Variants in CABP1 observed in about 807,000 individuals in gnomAD.
The protein encoded by CABP1 is calcium-binding protein 1.
A neutral mutation model predicts 34.3 loss-of-function variants in CABP1; 17 were observed. The observed-to-expected ratio is 0.50, with a 90% CI of 0.34 to 0.74. The LOEUF is 0.74. Among genes scored for constraint, CABP1 ranks in the 30% least tolerant of loss-of-function variants. The pLI is 0.01. For missense variants in CABP1, 373 were observed against 511.1 expected (o/e 0.73, Z 2.61); for synonymous variants, 198 against 229.2 (o/e 0.86, Z 1.23).
chr12:120,655,993 G>A (rs1411765742), intron 1 of CABP1: 2 of 1,575,296 alleles, frequency 1.3e-6, no homozygotes, highest in Non-Finnish European at 1.7e-6. Flanking sequence ...TGACTCTCAG[G>A]GTCCCCTCTT....
downstream of CABP1, among the ~76,000 whole-genome samples, chr12:120,669,619 T>G (rs1881180823): frequency 6.6e-6 from 1 of 152,126 alleles, no homozygotes; most frequent in Non-Finnish European, 1.5e-5. Flanking sequence ...CCAGGCGTAG[T>G]GGGGCATGAC....
chr12:120,663,343 C>T (rs1158415713), intron 5 of CABP1, among the ~76,000 whole-genome samples: 1 of 152,076 alleles, frequency 6.6e-6, no homozygotes. Flanking sequence ...GGCGTAATCT[C>T]GGCTCACTGC....
At position 120,661,078 on chromosome 12, in the gene CABP1, C is replaced by G. The variant is rs1478406962; in HGVS notation, c.947C>G (p.Thr316Ser). 6.2e-7 allele frequency: 1 copy of G among 1,612,578 alleles called. No individual in the cohort carries two copies. The highest frequency in any genetic ancestry group is 1.3e-5 in the African/African-American group (1 of 74,764). The change falls in exon 5 of 6, where the codon ACC becomes AGC. Residue 316 changes from threonine to serine, a missense_variant. By Grantham distance (58) the Thr-to-Ser change is moderately conservative (BLOSUM62 1). Coordinates refer to ENST00000316803, the MANE Select transcript of CABP1 (RefSeq NM_001033677.2). This position sits in a 1 kb window ranked among gnomAD's most constrained non-coding sequence, Gnocchi z 5.1. The part of the protein sequence containing the change: ...ELRDAFREFD[T>S]NGDGEISTSE... ...CCTTCCTGCCTTCTCTAGTTTGACA[C>G]CAATGGTGATGGGGAAATAAGCACC... is the stretch of plus-strand genomic sequence containing the variant.
At chr12:120,652,774 T>A (rs1879928731) in intron 1 of CABP1, among the ~76,000 whole-genome samples, 1 of 152,166 alleles carries the variant, frequency 6.6e-6, no homozygotes, top group South Asian at 2.1e-4. Flanking sequence ...TGCATACTCT[T>A]GGCCAGCTTG....
chr12:120,642,762 T>A (rs1015703217), intron 1 of CABP1, among the ~76,000 whole-genome samples: 21 of 152,110 alleles, frequency 1.4e-4, no homozygotes, highest in African/African-American at 5.1e-4. Context: ...GAATGGGTGA[T>A]ACCAATTCAT....
Position 120,661,470 on chromosome 12 carries a change from A to G in CABP1, c.1087+252A>G, listed in dbSNP as rs547868046. ...CATTCATCTGTCCATTTATCCATCCATTCATCTACCTATCTATCCATCTGT... is the reference window on the plus strand; with the variant it reads ...CATTCATCTGTCCATTTATCCATCCGTTCATCTACCTATCTATCCATCTGT... On this transcript the variant is annotated intron_variant, in intron 5 of 5. Coordinates refer to ENST00000316803, the MANE Select transcript of CABP1 (RefSeq NM_001033677.2). This position sits in a 1 kb window ranked among gnomAD's most constrained non-coding sequence, Gnocchi z 5.1. The G allele has an allele frequency of 1.8e-5, 8 of 454,838 alleles. No homozygotes were observed. Among genetic ancestry groups the G allele is most frequent in the African/African-American group, 9.9e-5 (5 of 50,438 alleles). The allele number at this position is 454,838 out of a possible 1,614,324, so 28.2% of individuals were successfully genotyped here.
At chr12:120,659,803 A>G in intron 1 of CABP1, 75 bp from the exon 2 acceptor site, 1 of 1,451,520 alleles carries the variant, frequency 6.9e-7, no homozygotes, top group Non-Finnish European at 9.6e-7. Context: ...TGCCACGTGG[A>G]TGGCCCCCAG....
rs1773817880 is a variant in CABP1 at position 120,660,162 on chromosome 12, C to A, written c.686-34C>A. On this transcript the variant is annotated intron_variant, in intron 2 of 5. Transcript: ENST00000316803. The surrounding 1 kb of genome is among the most constrained non-coding windows in gnomAD (Gnocchi z 5.0). Reference sequence around the variant, plus strand: ...CCCACAGAGGCTCTGCGGGTCCTACCCCTGACCACATCCACCTTTGCTCAC... The same window carrying A: ...CCCACAGAGGCTCTGCGGGTCCTACACCTGACCACATCCACCTTTGCTCAC... 1 of 1,612,846 alleles carries A rather than the reference C, an allele frequency of 6.2e-7. No individual in the cohort carries two copies.
intron 1 of CABP1, among the ~76,000 whole-genome samples, chr12:120,644,726 C>T (rs1045316823): frequency 6.6e-6 from 1 of 152,172 alleles, no homozygotes; most frequent in African/African-American, 2.4e-5. Flanking sequence ...AGCAGGATCA[C>T]AGTATTTAAT....
Position 120,661,028 on chromosome 12 carries a change from C to T in CABP1, c.940-43C>T, listed in dbSNP as rs753638328. 8.2e-6 allele frequency: 13 copies of T among 1,595,034 alleles called. No homozygotes were observed. Among genetic ancestry groups the T allele is most frequent in the African/African-American group, 2.7e-5 (2 of 74,202 alleles). ...AACTTTGGGATCTGCTGCTGCCAAT[C>T]GCCATGCTGGGGCGACCTCTCCTTC... On this transcript the variant is annotated intron_variant, in intron 4 of 5. Transcript: ENST00000316803. This position sits in a 1 kb window ranked among gnomAD's most constrained non-coding sequence, Gnocchi z 5.1.
At chr12:120,658,969 C>T (rs1880440507) in intron 1 of CABP1, 1 of 152,316 alleles carries the variant, frequency 6.6e-6, no homozygotes, top group African/African-American at 2.4e-5. Context: ...CCTGGGCAGG[C>T]CCAGGGCAAC....
At chr12:120,677,723 G>A in the CABP1 span, among the ~76,000 whole-genome samples, 5 of 152,186 alleles carry the variant, frequency 3.3e-5, no homozygotes, top group East Asian at 1.9e-4. Flanking sequence ...GCTTTCTATC[G>A]TACTCATTGC....
chr12:120,640,925 CG>C lies in CABP1; in HGVS notation c.245del (p.Gly82AlafsTer194). ...LLKAAAAAASGGSRAPRHGPA... is the reference protein window; with the variant it reads ...LLKAAAAAASXGSRAPRHGPA... ...TGAAGGCGGCGGCGGCGGCGGCGAG[CG>C]GGGGCAGCCGGGCTCCCCGCCACGG... is the stretch of plus-strand genomic sequence containing the variant. On this transcript the variant is annotated frameshift_variant, in exon 1 of 6. Coordinates refer to ENST00000316803, the MANE Select transcript of CABP1 (RefSeq NM_001033677.2). LOFTEE classifies it high-confidence loss of function. The surrounding 1 kb of genome is among the most constrained non-coding windows in gnomAD (Gnocchi z 6.2). 2 of 1,115,844 alleles carry C rather than the reference CG, an allele frequency of 1.8e-6. No individual in the cohort carries two copies. The highest frequency in any genetic ancestry group is 2.2e-6 in the Non-Finnish European group (2 of 914,518). 69.1% of individuals were successfully genotyped at this position (1,115,844 alleles called of 1,614,324 possible).
the CABP1 span, among the ~76,000 whole-genome samples, chr12:120,673,329 A>C: frequency 1.3e-5 from 2 of 152,078 alleles, no homozygotes; most frequent in African/African-American, 4.8e-5. Context: ...TCACACCTGT[A>C]ATCCCAGCGC....
In CABP1 at chr12:120,640,999, G is replaced by A; in HGVS notation, c.314G>A (p.Cys105Tyr). ...GLPSRRLPGS[C>Y]PATPQSSGDP... ...CCTAGCCGCCGGCTACCCGGCTCCT[G>A]CCCGGCGACGCCGCAGTCGTCCGGG... The change falls in exon 1 of 6, where the codon TGC (cysteine) becomes TAC (tyrosine). Residue 105 changes from cysteine (C) to tyrosine (Y), a missense_variant. Cys to Tyr is a radical substitution (Grantham distance 194). Transcript: ENST00000316803. The surrounding 1 kb of genome is among the most constrained non-coding windows in gnomAD (Gnocchi z 6.2). 2 of 1,162,058 alleles carry A rather than the reference G, an allele frequency of 1.7e-6. No individual in the cohort carries two copies. Among genetic ancestry groups the A allele is most frequent in the East Asian group, 4.0e-5 (1 of 25,000 alleles). The allele number at this position is 1,162,058 out of a possible 1,614,324, so 72.0% of individuals were successfully genotyped here. A position where few individuals can be genotyped will look rare whatever the true frequency, so the allele number is the denominator to read the frequency against.
the CABP1 span, among the ~76,000 whole-genome samples, chr12:120,677,420 A>G: frequency 9.2e-6 from 1 of 108,536 alleles, no homozygotes; most frequent in Non-Finnish European, 1.8e-5. Flanking sequence ...TTTTTGAGAC[A>G]GAGTCTCACT....
chr12:120,666,203 TAA>T (rs78315987), intron 5 of CABP1, among the ~76,000 whole-genome samples: 45 of 106,996 alleles, frequency 4.2e-4, no homozygotes, highest in Non-Finnish European at 3.9e-4. Context: ...GTCTCTACAT[TAA>T]AAAAAAAAAA....
In CABP1 at chr12:120,641,694, T is replaced by C. The variant is rs1879337637; in HGVS notation, c.654+355T>C. The C allele has an allele frequency of 4.9e-6, 1 of 203,794 alleles. No individual in the cohort carries two copies. Among genetic ancestry groups the C allele is most frequent in the African/African-American group, 2.3e-5 (1 of 43,478 alleles). 12.6% of individuals were successfully genotyped at this position (203,794 alleles called of 1,614,324 possible). ...GAGCAGGTGGCGCCAAACCCACTCC[T>C]CTGGCCTCTGGCCAGTACCGCCAGG... On this transcript the variant is annotated intron_variant, in intron 1 of 5. Coordinates refer to ENST00000316803, the MANE Select transcript of CABP1 (RefSeq NM_001033677.2). This position sits in a 1 kb window ranked among gnomAD's most constrained non-coding sequence, Gnocchi z 6.7.
intron 5 of CABP1, chr12:120,662,078 C>T (rs1880685240): frequency 1.3e-5 from 2 of 152,334 alleles, no homozygotes; most frequent in Admixed American, 6.5e-5. Flanking sequence ...CTATATCCAT[C>T]TACTCATCCA....
Sources: gnomAD v4.1 joint callset for allele counts (sites outside exome capture counted in the v4.1 genomes callset) on GRCh38, gnomAD v4.1.1 for gene constraint, Gnocchi (gnomAD v3.1) non-coding constraint, MANE v1.5 for transcripts, NCBI Gene and HGNC (gene_info 2026-07-23, HGNC 2026-07-21) for gene names.